EPB41L3: variants seen among roughly 807,000 people sequenced by gnomAD.
EPB41L3 encodes erythrocyte membrane protein band 4.1 like 3.
In EPB41L3, 57 loss-of-function variants were observed where a neutral mutation model predicts 127.1. That is an observed-to-expected ratio of 0.45 (90% CI 0.36 to 0.56). The LOEUF (loss-of-function observed/expected upper bound fraction) is 0.56, where lower values mean the gene tolerates loss of function less well. Ranked by LOEUF, EPB41L3 falls within the 20% of genes least tolerant of loss-of-function variation. The probability of loss-of-function intolerance (pLI) is 0.00; values close to 1 mark genes in which losing one functional copy is unlikely to be tolerated. For missense variants in EPB41L3, 1,273 were observed against 1,372.2 expected (o/e 0.93, Z 1.14); for synonymous variants, 572 against 549.5 (o/e 1.04, Z -0.57).
intron 3 of EPB41L3, among the ~76,000 whole-genome samples, chr18:5,445,552 T>C (rs1324793555): frequency 6.6e-6 from 1 of 152,144 alleles, no homozygotes; most frequent in Non-Finnish European, 1.5e-5. Flanking sequence ...GGGAAAATAA[T>C]GTGATGCTTG....
At chr18:5,415,381 A>C (rs1435619273) in intron 13 of EPB41L3, among the ~76,000 whole-genome samples, 1 of 152,196 alleles carries the variant, frequency 6.6e-6, no homozygotes, top group African/African-American at 2.4e-5. Context: ...CCAGGTGATG[A>C]TGATACATCC....
Position 5,393,356 on chromosome 18 carries a change from C to G in EPB41L3, c.*129G>C. 1 of 589,610 alleles carries G rather than the reference C, an allele frequency of 1.7e-6. No individual in the cohort carries two copies. Among genetic ancestry groups the G allele is most frequent in the Non-Finnish European group, 3.0e-6 (1 of 330,330 alleles). 36.5% of individuals were successfully genotyped at this position (589,610 alleles called of 1,614,324 possible). Reference sequence around the variant, plus strand: ...TCTTTATTAATGGTCAAGGTCAATTCTTCTGGACTGAAATTTTCCACGGAC... The same window carrying G: ...TCTTTATTAATGGTCAAGGTCAATTGTTCTGGACTGAAATTTTCCACGGAC... On this transcript the variant is annotated 3_prime_UTR_variant, in exon 23 of 23. Coordinates refer to ENST00000341928, the MANE Select transcript of EPB41L3 (RefSeq NM_012307.5).
At chr18:5,464,971 T>C (rs2084695344) in intron 3 of EPB41L3, among the ~76,000 whole-genome samples, 1 of 152,186 alleles carries the variant, frequency 6.6e-6, no homozygotes, top group Non-Finnish European at 1.5e-5. Context: ...CTATAAAATG[T>C]GAGTCCATTC....
chr18:5,601,000 A>G (rs950373339), intron 3 of EPB41L3, among the ~76,000 whole-genome samples: 4 of 152,194 alleles, frequency 2.6e-5, no homozygotes, highest in East Asian at 1.9e-4. Context: ...TTAGAGATAC[A>G]TTGTTGTCAA....
chr18:5,483,099 T>C (rs906456602), intron 2 of EPB41L3, among the ~76,000 whole-genome samples: 2 of 152,024 alleles, frequency 1.3e-5, no homozygotes, highest in Non-Finnish European at 2.9e-5. Context: ...AGTGAAGGGA[T>C]AGGTAATATT....
chr18:5,607,746 C>A (rs2143951749), intron 3 of EPB41L3, among the ~76,000 whole-genome samples: 1 of 152,264 alleles, frequency 6.6e-6, no homozygotes, highest in Non-Finnish European at 1.5e-5. Context: ...TCATATATTT[C>A]TTTAATATAA....
chr18:5,398,353 A>C, intron 16 of EPB41L3: 2 of 611,558 alleles, frequency 3.3e-6, no homozygotes, highest in Non-Finnish European at 5.7e-6. Context: ...GGTTATTAGG[A>C]TCAGGGTGGC....
chr18:5,465,585 A>G (rs370309153), intron 3 of EPB41L3, among the ~76,000 whole-genome samples: 14 of 152,268 alleles, frequency 9.2e-5, no homozygotes, highest in African/African-American at 3.4e-4. Flanking sequence ...TGGAAATTCC[A>G]TAACTTTAAA....
intron 3 of EPB41L3, among the ~76,000 whole-genome samples, chr18:5,448,345 T>A (rs2081825659): frequency 6.6e-6 from 1 of 152,226 alleles, no homozygotes; most frequent in Non-Finnish European, 1.5e-5. Flanking sequence ...TCTAAAAATG[T>A]CTTGATTCTT....
intron 1 of EPB41L3, among the ~76,000 whole-genome samples, chr18:5,504,308 A>G (rs556404811): frequency 3.9e-5 from 6 of 151,938 alleles, no homozygotes; most frequent in Non-Finnish European, 7.4e-5. Flanking sequence ...TCCCCAGGTA[A>G]TTTCTAGAAC....
chr18:5,422,060 A>G (rs2077540197), intron 11 of EPB41L3, among the ~76,000 whole-genome samples: 1 of 152,162 alleles, frequency 6.6e-6, no homozygotes, highest in Non-Finnish European at 1.5e-5. Flanking sequence ...TTTCACATAT[A>G]TCTTGCTTTT....
At chr18:5,468,126 G>A (rs2085349184) in intron 3 of EPB41L3, among the ~76,000 whole-genome samples, 1 of 152,184 alleles carries the variant, frequency 6.6e-6, no homozygotes, top group Admixed American at 6.5e-5. Context: ...CAAGTCCCCT[G>A]CTGCCTCGGA....
chr18:5,493,338 C>T (rs951848196), intron 1 of EPB41L3, among the ~76,000 whole-genome samples: 1 of 152,182 alleles, frequency 6.6e-6, no homozygotes, highest in African/African-American at 2.4e-5. Context: ...AAAACGTCTT[C>T]GTACCATTTA....
At chr18:5,446,961 T>C (rs190218014) in intron 3 of EPB41L3, among the ~76,000 whole-genome samples, 98 of 152,338 alleles carry the variant, frequency 6.4e-4, no homozygotes, top group African/African-American at 1.9e-3. Flanking sequence ...GAATAAGCCT[T>C]CACAAATTAT....
At chr18:5,438,955 T>C (rs949721953) in intron 5 of EPB41L3, among the ~76,000 whole-genome samples, 2 of 152,204 alleles carry the variant, frequency 1.3e-5, no homozygotes, top group Non-Finnish European at 2.9e-5. Context: ...TTGTATATGG[T>C]TTATCAATAT....
intron 3 of EPB41L3, among the ~76,000 whole-genome samples, chr18:5,605,832 A>G (rs2094645237): frequency 6.6e-6 from 1 of 152,184 alleles, no homozygotes; most frequent in South Asian, 2.1e-4. Flanking sequence ...CTGTAAGAGT[A>G]CCAGGAGGGG....
At chr18:5,459,395 C>CTT (rs11459858) in intron 3 of EPB41L3, among the ~76,000 whole-genome samples, 236 of 147,774 alleles carry the variant, frequency 1.6e-3, no homozygotes, top group Middle Eastern at 7.1e-3. Flanking sequence ...CCATTGGTCT[C>CTT]TTTTTTTTTT....
At chr18:5,592,099 C>T (rs894002933) in intron 3 of EPB41L3, among the ~76,000 whole-genome samples, 3 of 152,080 alleles carry the variant, frequency 2.0e-5, no homozygotes, top group Non-Finnish European at 4.4e-5. Flanking sequence ...AGTAATTTAC[C>T]TAAAAAGTTA....
chr18:5,565,943 T>C (rs1413720410), intron 3 of EPB41L3, among the ~76,000 whole-genome samples: 7 of 151,882 alleles, frequency 4.6e-5, no homozygotes, highest in Non-Finnish European at 1.0e-4. Flanking sequence ...CTCAATAAAT[T>C]AGGTATTGAT....
Sources: gnomAD v4.1 joint callset for allele counts (sites outside exome capture counted in the v4.1 genomes callset) on GRCh38, gnomAD v4.1.1 for gene constraint, MANE v1.5 for transcripts, NCBI Gene and HGNC (gene_info 2026-07-23, HGNC 2026-07-21) for gene names.